Variants in SV2C observed in about 807,000 individuals in gnomAD.
SV2C encodes the protein solute carrier family 22 member B3.
Under a neutral mutation model 79.7 loss-of-function variants are expected in SV2C, and 49 were observed. The observed-to-expected ratio is 0.61, with a 90% CI of 0.49 to 0.78. SV2C has a LOEUF of 0.78. Ranked by LOEUF, SV2C falls within the 30% of genes least tolerant of loss-of-function variation. The pLI, the probability that SV2C is intolerant of heterozygous loss-of-function variation, is 0.00. For synonymous variants in SV2C, 334 were observed against 333.2 expected, an observed-to-expected ratio of 1.00 and a Z score of -0.03; for missense variants, 833 against 912.9, an observed-to-expected ratio of 0.91 and a Z score of 1.13.
the SV2C span, among the ~76,000 whole-genome samples, chr5:75,900,799 T>A: frequency 1.4e-4 from 21 of 152,312 alleles, no homozygotes; most frequent in South Asian, 4.3e-3. Flanking sequence ...TATTCTTTTT[T>A]CTCTAAACTT....
the SV2C span, among the ~76,000 whole-genome samples, chr5:75,974,402 A>G: frequency 1.3e-5 from 2 of 152,146 alleles, no homozygotes; most frequent in African/African-American, 4.8e-5. Flanking sequence ...AATAAGTCAG[A>G]TTCTTCCAAG....
intron 1 of SV2C, among the ~76,000 whole-genome samples, chr5:76,120,352 T>C (rs1479042616): frequency 1.3e-5 from 2 of 152,110 alleles, no homozygotes; most frequent in African/African-American, 4.8e-5. Flanking sequence ...TTGTTCTTTT[T>C]TTCTTTTTCT....
the SV2C span, among the ~76,000 whole-genome samples, chr5:76,049,024 A>AAAGAAAGAAAGAAAGAAAG: frequency 8.3e-6 from 1 of 120,610 alleles, no homozygotes; most frequent in Non-Finnish European, 1.7e-5. Flanking sequence ...AGAAAGAAAG[A>AAAGAAAGAAAGAAAGAAAG]AAAAGAAAAG....
chr5:76,350,145 A>T (rs1749619942), intron 12 of SV2C, among the ~76,000 whole-genome samples: 1 of 152,188 alleles, frequency 6.6e-6, no homozygotes, highest in Non-Finnish European at 1.5e-5. Context: ...ACAAATCTGC[A>T]TGTCTTAAGT....
the SV2C span, among the ~76,000 whole-genome samples, chr5:75,929,775 T>C: frequency 0.61 from 92,136 of 151,378 alleles, 29,586 homozygotes; most frequent in African/African-American, 0.83. Context: ...TATGTAGTTT[T>C]ATACTCTGTT....
chr5:75,894,998 T>G, the SV2C span, among the ~76,000 whole-genome samples: 1 of 152,106 alleles, frequency 6.6e-6, no homozygotes, highest in East Asian at 1.9e-4. Context: ...TGGTAAAGAC[T>G]TATTGATTTC....
rs550417971 is a variant in SV2C at position 76,119,443 on chromosome 5, C to T, written c.-101-12207C>T. 2.3e-3 allele frequency among the ~76,000 whole-genome samples: 349 copies of T among 152,190 alleles called. 3 individuals are homozygous for T. Among genetic ancestry groups the T allele is most frequent in the African/African-American group, 8.0e-3 (333 of 41,512 alleles). On this transcript the variant is annotated intron_variant, in intron 1 of 12. Transcript: ENST00000502798. The stretch of plus-strand genomic sequence containing the variant: ...TGTGTGGGAGCTGACACTGCACATT[C>T]CAAGTTATGACCAGGACATAAACAT...
chr5:76,116,851 C>A (rs1748284055), intron 1 of SV2C, among the ~76,000 whole-genome samples: 1 of 152,156 alleles, frequency 6.6e-6, no homozygotes. Flanking sequence ...TTGGTAACTA[C>A]TTAGGGACAG....
At chr5:75,949,265 T>A in the SV2C span, among the ~76,000 whole-genome samples, 3 of 152,030 alleles carry the variant, frequency 2.0e-5, no homozygotes, top group Non-Finnish European at 4.4e-5. Context: ...ACCTCTTTTC[T>A]TTATAAATTA....
the SV2C span, among the ~76,000 whole-genome samples, chr5:75,955,122 T>C: frequency 3.3e-5 from 5 of 149,494 alleles, no homozygotes; most frequent in African/African-American, 5.0e-5. Flanking sequence ...GCTGGAGGCA[T>C]CACACTACCT....
the SV2C span, among the ~76,000 whole-genome samples, chr5:75,997,531 G>A: frequency 1.1e-3 from 164 of 152,090 alleles, no homozygotes; most frequent in African/African-American, 3.8e-3. Context: ...GTGGGTGAAG[G>A]GTATGAACAG....
At chr5:76,271,495 C>T (rs1054874918) in intron 4 of SV2C, among the ~76,000 whole-genome samples, 15 of 152,038 alleles carry the variant, frequency 9.9e-5, no homozygotes, top group Admixed American at 6.5e-5. Context: ...AGACACTGCA[C>T]CCAATACCTG....
At chr5:76,182,063 A>G (rs894174658) in intron 2 of SV2C, among the ~76,000 whole-genome samples, 1 of 151,754 alleles carries the variant, frequency 6.6e-6, no homozygotes, top group Non-Finnish European at 1.5e-5. Context: ...ATGCCATTCC[A>G]CCTATCCTCT....
intron 4 of SV2C, among the ~76,000 whole-genome samples, chr5:76,239,409 G>A (rs1745712612): frequency 6.6e-6 from 1 of 152,188 alleles, no homozygotes; most frequent in African/African-American, 2.4e-5. Flanking sequence ...AAACTCCGTG[G>A]CTTAAAACAA....
chr5:75,952,117 A>G, the SV2C span, among the ~76,000 whole-genome samples: 1 of 152,002 alleles, frequency 6.6e-6, no homozygotes, highest in Non-Finnish European at 1.5e-5. Context: ...TGAAATAAAG[A>G]TTAATATTCT....
the SV2C span, among the ~76,000 whole-genome samples, chr5:75,982,122 C>T: frequency 1.3e-5 from 2 of 150,312 alleles, no homozygotes; most frequent in East Asian, 2.0e-4. Flanking sequence ...GGAGATATAC[C>T]TAATGCTAGA....
intron 3 of SV2C, among the ~76,000 whole-genome samples, chr5:76,198,158 C>G (rs961161848): frequency 2.6e-5 from 4 of 152,196 alleles, no homozygotes; most frequent in African/African-American, 9.6e-5. Context: ...AACACCCTCA[C>G]AGACGCACCC....
chr5:76,258,654 TTTG>T lies in SV2C; in HGVS notation c.914-26502_914-26500del, dbSNP rs1350231301. On this transcript the variant is annotated intron_variant, in intron 4 of 12. Transcript: ENST00000502798. ...GGAAATGTAATCTTGCTGCTGTTTT[TTTG>T]TTGTTATCGCACCACTCTTTATGAT... Among the ~76,000 whole-genome samples, 12 of 152,362 alleles carry T rather than the reference TTTG, an allele frequency of 7.9e-5. No individual in the cohort carries two copies. In the East Asian group the frequency reaches 2.1e-3, roughly 27 times the overall value.
chr5:76,036,811 G>GT, the SV2C span, among the ~76,000 whole-genome samples: 1 of 152,206 alleles, frequency 6.6e-6, no homozygotes, highest in Non-Finnish European at 1.5e-5. Context: ...GATTGGGGAA[G>GT]TTCTCCTGCA....
Sources: allele counts gnomAD v4.1 joint callset (sites outside exome capture counted in the v4.1 genomes callset), GRCh38; gene constraint gnomAD v4.1.1; transcripts MANE v1.5; gene names NCBI Gene and HGNC (gene_info 2026-07-23, HGNC 2026-07-21).